LRP1: variants seen among roughly 807,000 people sequenced by gnomAD.
LRP1 encodes LDL receptor related protein 1.
A neutral mutation model predicts 541.5 loss-of-function variants in LRP1; 51 were observed. That is an observed-to-expected ratio of 0.09 (90% confidence interval 0.08 to 0.12). The LOEUF (loss-of-function observed/expected upper bound fraction) is 0.12, where lower values mean the gene tolerates loss of function less well. Ranked by LOEUF, LRP1 falls within the 10% of genes least tolerant of loss-of-function variation. The pLI, the probability that LRP1 is intolerant of heterozygous loss-of-function variation, is 1.00. For missense variants in LRP1, 3,878 were observed against 6,376.2 expected, an observed-to-expected ratio of 0.61 and a Z score of 13.34; for synonymous variants, 2,219 against 2,470.8, an observed-to-expected ratio of 0.90 and a Z score of 3.02.
In LRP1 at chr12:57,211,643, T is replaced by G. The variant is rs1460420952; in HGVS notation, c.13193+55T>G. On this transcript the variant is annotated intron_variant, in intron 85 of 88. Coordinates refer to ENST00000243077, the MANE Select transcript of LRP1 (RefSeq NM_002332.3). The surrounding 1 kb of genome is among the most constrained non-coding windows in gnomAD (Gnocchi z 4.3). ...TAGATCATCGCTCCCTTCCCCAGAT[T>G]TGAGCAGGAGGACCGTCAGGCCTCA... 2.4e-5 allele frequency: 38 copies of G among 1,604,420 alleles called. No homozygotes were observed. In the South Asian group the frequency reaches 4.1e-4, roughly 17 times the overall value.
At position 57,212,385 on chromosome 12, in the gene LRP1, GC is replaced by G. The variant is rs1942542455; in HGVS notation, c.13495-27del. 1 of 1,613,968 alleles carries G rather than the reference GC, an allele frequency of 6.2e-7. No individual in the cohort carries two copies. Among genetic ancestry groups the G allele is most frequent in the Admixed American group, 1.7e-5 (1 of 60,024 alleles). On this transcript the variant is annotated intron_variant, in intron 88 of 88. Coordinates refer to ENST00000243077, the MANE Select transcript of LRP1 (RefSeq NM_002332.3). This position sits in a 1 kb window ranked among gnomAD's most constrained non-coding sequence, Gnocchi z 5.0. ...CCTGGGCTACAGGCCCAGCTCCTGA[GC>G]CCTACCTGAACCCTCTGTCACCCTG...
At chr12:57,166,555 G>A (rs1401880021) in intron 17 of LRP1, 2 of 390,816 alleles carry the variant, frequency 5.1e-6, no homozygotes, top group Non-Finnish European at 9.3e-6. Flanking sequence ...AGCGAGACCT[G>A]TCTCTAAAAA....
chr12:57,153,697 T>G (rs983670370), intron 6 of LRP1, among the ~76,000 whole-genome samples: 1 of 152,196 alleles, frequency 6.6e-6, no homozygotes, highest in African/African-American at 2.4e-5. Flanking sequence ...AGAGTTCATA[T>G]TTTGAAATAC....
Position 57,175,331 on chromosome 12 carries a change from G to A in LRP1, c.3548-129G>A, listed in dbSNP as rs1800178. 43,791 of 1,088,966 alleles carry A rather than the reference G, an allele frequency of 0.04. 1,615 individuals carry two copies. The highest frequency in any genetic ancestry group is 0.2 in the East Asian group (8,198 of 41,496). 67.5% of individuals were successfully genotyped at this position (1,088,966 alleles called of 1,614,324 possible). A position where few individuals can be genotyped will look rare whatever the true frequency, so the allele number is the denominator to read the frequency against. On this transcript the variant is annotated intron_variant, in intron 22 of 88. Transcript: ENST00000243077. ...CCTGAAGCTCAGCAGGAATGGAGAC[G>A]AATGGGGCCGTGGGCAGGGCACAAG...
At chr12:57,174,139 C>A (rs1225640588) in intron 22 of LRP1, among the ~76,000 whole-genome samples, 159 bp downstream of exon 22, 1 of 152,190 alleles carries the variant, frequency 6.6e-6, no homozygotes, top group Admixed American at 6.5e-5. Flanking sequence ...GTGGACCTGG[C>A]GCTCCCCATG....
At chr12:57,164,333 C>T (rs2035797902) in intron 15 of LRP1, 2 of 152,204 alleles carry the variant, frequency 1.3e-5, no homozygotes, top group African/African-American at 2.4e-5. Context: ...TAAATGGAGT[C>T]GTGCTGCACA....
rs34094967 is a variant in LRP1, at chr12:57,163,055, A to T, written c.2530+72A>T. 97 of 1,513,544 alleles carry T rather than the reference A, an allele frequency of 6.4e-5. No homozygotes were observed. The African/African-American group carries it at 1.2e-3, about 19-fold the overall frequency. 93.8% of individuals were successfully genotyped at this position (1,513,544 alleles called of 1,614,324 possible). A position where few individuals can be genotyped will look rare whatever the true frequency, so the allele number is the denominator to read the frequency against. ...GAGGATGCCGAAGAGTGGGGAGGGG[A>T]GGATCCAGGGTCCCAGTCAGAGATT... is the stretch of plus-strand genomic sequence containing the variant. On this transcript the variant is annotated intron_variant, in intron 15 of 88. Transcript: ENST00000243077.
chr12:57,154,363 G>T lies in LRP1; in HGVS notation c.997G>T (p.Ala333Ser). 1.9e-6 allele frequency: 3 copies of T among 1,609,498 alleles called. No homozygotes were observed. The highest frequency in any genetic ancestry group is 2.6e-6 in the Non-Finnish European group (3 of 1,176,032). The stretch of plus-strand genomic sequence containing the variant: ...CCCCAAGGGCATTGCCCTGGACCCT[G>T]CCATGGGGTGAGAGTGGCAGGCGGG... ...YNPKGIALDPAMGKVFFTDYG... is the reference protein window; with the variant it reads ...YNPKGIALDPSMGKVFFTDYG... The change falls in exon 7 of 89, where the codon GCC becomes TCC. Residue 333 changes from alanine to serine, a missense_variant. By Grantham distance (99) the Ala-to-Ser change is moderately conservative. Coordinates refer to ENST00000243077, the MANE Select transcript of LRP1 (RefSeq NM_002332.3). This position sits in a 1 kb window ranked among gnomAD's most constrained non-coding sequence, Gnocchi z 4.6.
chr12:57,141,762 C>T (rs147911355), intron 3 of LRP1, among the ~76,000 whole-genome samples: 3 of 152,370 alleles, frequency 2.0e-5, no homozygotes, highest in Non-Finnish European at 2.9e-5. Flanking sequence ...GGACTAGTCA[C>T]TACCTCTCTC....
rs775250463 is a variant in LRP1, at chr12:57,161,077, C to T, written c.2164C>T (p.Arg722Cys). 1.8e-5 allele frequency: 29 copies of T among 1,613,544 alleles called. No individual in the cohort carries two copies. The highest frequency in any genetic ancestry group is 2.4e-5 in the Non-Finnish European group (28 of 1,180,036). ...RLYWVDAFYD[R>C]IETILLNGTD... ...CTACTGGGTGGATGCCTTCTACGAC[C>T]GCATCGAGACGATACTGCTCAATGG... The change falls in exon 13 of 89, where the codon CGC becomes TGC. Residue 722 changes from arginine (R) to cysteine (C), a missense_variant. Arg to Cys is a radical substitution (Grantham distance 180, BLOSUM62 -3). Around this residue, in one of 13 missense-constraint regions of LRP1, gnomAD observed 496 missense variants for 861.0 expected, o/e 0.58. Transcript: ENST00000243077.
Position 57,145,370 on chromosome 12 carries a change from A to T in LRP1, c.721A>T (p.Thr241Ser). The change falls in exon 6 of 89, where the codon ACC (threonine) becomes TCC (serine). Residue 241 changes from threonine (T) to serine (S), a missense_variant. Transcript: ENST00000243077. Reference sequence around the variant, plus strand: ...CATGGACTTCAGCTATGCCAACGAGACCGTATGCTGGGTGCATGTTGGGGA... The same window carrying T: ...CATGGACTTCAGCTATGCCAACGAGTCCGTATGCTGGGTGCATGTTGGGGA... ...TAMDFSYANE[T>S]VCWVHVGDSA... The T allele has an allele frequency of 6.2e-7, 1 of 1,614,068 alleles. No homozygotes were observed. Among genetic ancestry groups the T allele is most frequent in the Non-Finnish European group, 8.5e-7 (1 of 1,180,016 alleles).
Position 57,178,958 on chromosome 12 carries a change from C to A in LRP1, c.4675C>A (p.Arg1559=). The change falls in exon 28 of 89, where the codon CGG becomes AGG. Residue 1559 remains arginine, a synonymous_variant. Coordinates refer to ENST00000243077, the MANE Select transcript of LRP1 (RefSeq NM_002332.3). This position sits in a 1 kb window ranked among gnomAD's most constrained non-coding sequence, Gnocchi z 5.8. ...CCACCTGTGTCTCATCAACTACAAC[C>A]GGACCGTGTCCTGCGCCTGCCCCCA... ...CSHLCLINYN[R]TVSCACPHLM... 1 of 1,614,088 alleles carries A rather than the reference C, an allele frequency of 6.2e-7. No individual in the cohort carries two copies.
intron 1 of LRP1, among the ~76,000 whole-genome samples, chr12:57,134,199 G>A (rs768205365): frequency 2.4e-4 from 37 of 152,198 alleles, no homozygotes; most frequent in Non-Finnish European, 3.2e-4. Context: ...GCAAAGCCGA[G>A]AACAGACGGC....
intron 42 of LRP1, among the ~76,000 whole-genome samples, chr12:57,190,325 A>AT (rs1374841716): frequency 1.3e-5 from 2 of 152,176 alleles, no homozygotes; most frequent in Non-Finnish European, 2.9e-5. Flanking sequence ...AAATACTCAC[A>AT]TAGTGTGTGC....
chr12:57,194,092 C>G, intron 48 of LRP1, 80 bp downstream of exon 48: 1 of 1,284,950 alleles, frequency 7.8e-7, no homozygotes, highest in Non-Finnish European at 1.1e-6. Context: ...CCCTCCTGCA[C>G]CTGCCCACAT....
chr12:57,167,896 C>T (rs2035871225), intron 19 of LRP1, among the ~76,000 whole-genome samples: 1 of 152,254 alleles, frequency 6.6e-6, no homozygotes, highest in African/African-American at 2.4e-5. Flanking sequence ...TGGTGCACCC[C>T]TCAGGCTCTG....
chr12:57,170,825 A>G (rs2035930664), intron 20 of LRP1, among the ~76,000 whole-genome samples: 1 of 152,116 alleles, frequency 6.6e-6, no homozygotes, highest in African/African-American at 2.4e-5. Context: ...CAAAAGAAAA[A>G]AAAAGTTTAA....
At chr12:57,149,336 T>C (rs1159822720) in intron 6 of LRP1, 29 of 453,752 alleles carry the variant, frequency 6.4e-5, no homozygotes, top group Non-Finnish European at 8.9e-5. Context: ...TTCCTAATCA[T>C]TTAACAGCTC....
chr12:57,134,122 T>A (rs935185447), intron 1 of LRP1, among the ~76,000 whole-genome samples: 13 of 147,208 alleles, frequency 8.8e-5, no homozygotes, highest in Admixed American at 6.7e-5. Flanking sequence ...CTGGGCTGGG[T>A]GCCTGGGTTT....
Sources: allele counts gnomAD v4.1 joint callset (sites outside exome capture counted in the v4.1 genomes callset), GRCh38; gene constraint gnomAD v4.1.1; regional missense constraint gnomAD v4.1.1; non-coding constraint Gnocchi (gnomAD v3.1); transcripts MANE v1.5; gene names NCBI Gene and HGNC (gene_info 2026-07-23, HGNC 2026-07-21).